The following PRKDC variants were observed in gnomAD, a reference collection of about 807,000 sequenced individuals.
PRKDC encodes the protein protein kinase, DNA-activated, catalytic subunit.
In PRKDC, 82 loss-of-function variants were observed where a neutral mutation model predicts 486.9. That is an observed-to-expected ratio of 0.17 (90% CI 0.14 to 0.20). The LOEUF is 0.20. Ranked by LOEUF, PRKDC falls within the 10% of genes least tolerant of loss-of-function variation. The pLI is 1.00. For synonymous variants in PRKDC, 1,895 were observed against 1,837.0 expected (o/e 1.03, Z -0.81); for missense variants, 4,504 against 5,038.2 (o/e 0.89, Z 3.21).
At chr8:47,929,274 C>A in intron 18 of PRKDC, 96 bp from the exon 19 acceptor site, 1 of 827,198 alleles carries the variant, frequency 1.2e-6, no homozygotes, top group South Asian at 1.5e-5. Flanking sequence ...GGGGTGAATC[C>A]ATTTCAAGTT....
chr8:47,927,482 AG>A, intron 20 of PRKDC, 129 bp from the exon 21 acceptor site: 1 of 1,112,958 alleles, frequency 9.0e-7, no homozygotes, highest in Admixed American at 2.9e-5. Context: ...ACCGCTGGAG[AG>A]TTCAGTCCAG....
chr8:47,936,214 C>A (rs1263795422), intron 12 of PRKDC, 139 bp downstream of exon 12: 1 of 967,618 alleles, frequency 1.0e-6, no homozygotes. Context: ...GACAATAATT[C>A]TATTGCCACA....
At chr8:47,951,733 G>GA (rs1165249093) in intron 7 of PRKDC, among the ~76,000 whole-genome samples, 1 of 151,882 alleles carries the variant, frequency 6.6e-6, no homozygotes, top group African/African-American at 2.4e-5. Flanking sequence ...AGGAAAGAAA[G>GA]AAAGAAAGAA....
rs2090703442 is a variant in PRKDC, at chr8:47,956,521, C to T, written c.325-573G>A. Among the ~76,000 whole-genome samples the T allele has an allele frequency of 2.7e-5, 4 of 150,736 alleles. No homozygotes were observed. In the South Asian group the frequency reaches 8.4e-4, roughly 32 times the overall value. The stretch of plus-strand genomic sequence containing the variant: ...ACCAGCCTAGGCAACAAGGCGAAAC[C>T]CTGTCTCTACAAAAAAAAAAAAAAA... On this transcript the variant is annotated intron_variant, in intron 3 of 85. Transcript: ENST00000314191.
chr8:47,959,838 G>C, intron 1 of PRKDC, 135 bp downstream of exon 1: 2 of 1,413,458 alleles, frequency 1.4e-6, no homozygotes, highest in Non-Finnish European at 9.3e-7. Flanking sequence ...CACATACACA[G>C]AAATTCCCCC....
chr8:47,823,741 A>G, intron 64 of PRKDC, 117 bp downstream of exon 64: 4 of 1,237,852 alleles, frequency 3.2e-6, no homozygotes, highest in Non-Finnish European at 4.5e-6. Flanking sequence ...CAACATTGTA[A>G]CGAAAAGACA....
rs751107248 is a variant in PRKDC, at chr8:47,830,734, T to G, written c.8268A>C (p.Glu2756Asp). 4.3e-6 allele frequency: 7 copies of G among 1,613,882 alleles called. No homozygotes were observed. The East Asian group carries it at 1.6e-4, about 36-fold the overall frequency. The change falls in exon 61 of 86, where the codon GAA (glutamate) becomes GAC (aspartate). Residue 2756 changes from glutamate to aspartate, a missense_variant and splice_region_variant. Glu to Asp is a conservative substitution (Grantham distance 45). Transcript: ENST00000314191. ...KGVAEQKREK[E>D]IKSELKMKQD... is the part of the protein sequence containing the mutation. The stretch of plus-strand genomic sequence containing the variant: ...GCTTCATTTTTAACTCACTCTTGAT[T>G]TCCTATAAGCACCAGAACCAAAGAA...
At chr8:47,812,804 C>A (rs1373983816) in intron 68 of PRKDC, among the ~76,000 whole-genome samples, 1 of 151,840 alleles carries the variant, frequency 6.6e-6, no homozygotes, top group African/African-American at 2.4e-5. Context: ...AAAAACTGAT[C>A]CTTTGAAAAA....
At chr8:47,792,690 T>C (rs1025328559) in intron 74 of PRKDC, among the ~76,000 whole-genome samples, 1 of 152,208 alleles carries the variant, frequency 6.6e-6, no homozygotes, top group African/African-American at 2.4e-5. Context: ...TGTTACACAC[T>C]GTATGCCTGT....
intron 21 of PRKDC, among the ~76,000 whole-genome samples, chr8:47,923,066 C>CA (rs1247604692): frequency 7.1e-6 from 1 of 141,060 alleles, no homozygotes; most frequent in African/African-American, 2.6e-5. Flanking sequence ...AGAAGTCATT[C>CA]TTTTTTTTTT....
chr8:47,800,663 G>A, intron 71 of PRKDC, 130 bp downstream of exon 71: 1 of 630,644 alleles, frequency 1.6e-6, no homozygotes, highest in Non-Finnish European at 2.4e-6. Context: ...AAGAAAATTG[G>A]CTGTGCATAA....
chr8:47,942,074 G>T (rs2090454460), intron 10 of PRKDC, among the ~76,000 whole-genome samples: 1 of 152,188 alleles, frequency 6.6e-6, no homozygotes, highest in Non-Finnish European at 1.5e-5. Flanking sequence ...TGCCACCAGG[G>T]ATGATCCCTC....
chr8:47,929,933 T>A lies in PRKDC; in HGVS notation c.1972A>T (p.Thr658Ser). The change falls in exon 18 of 86, where the codon ACA (threonine) becomes TCA (serine). Residue 658 changes from threonine to serine, a missense_variant. Thr to Ser is a moderately conservative substitution (Grantham distance 58). This residue lies in a region of PRKDC where 1,969 missense variants were observed against 2,068.9 expected (regional missense o/e 0.95). Coordinates refer to ENST00000314191, the MANE Select transcript of PRKDC (RefSeq NM_006904.7). ...SFSYELILQS[T>S]RLPLISGFYK... ...AAACCACTGATGAGGGGCAACCTTGTAGATTGCAAAATTAATTCATATGAA... is the reference window on the plus strand; with the variant it reads ...AAACCACTGATGAGGGGCAACCTTGAAGATTGCAAAATTAATTCATATGAA... 3.7e-6 allele frequency: 6 copies of A among 1,610,376 alleles called. No homozygotes were observed. The highest frequency in any genetic ancestry group is 4.2e-6 in the Non-Finnish European group (5 of 1,178,332).
At chr8:47,881,253 G>C (rs1047131662) in intron 38 of PRKDC, among the ~76,000 whole-genome samples, 163 bp downstream of exon 38, 9 of 152,024 alleles carry the variant, frequency 5.9e-5, no homozygotes, top group Non-Finnish European at 1.2e-4. Context: ...CACACAGGAT[G>C]GTTATCGAGA....
In PRKDC at chr8:47,881,529, A is replaced by T. The variant is rs575172711; in HGVS notation, c.4963-9T>A. 2.1e-5 allele frequency: 29 copies of T among 1,396,362 alleles called. No homozygotes were observed. In the African/African-American group the frequency reaches 4.0e-4, roughly 19 times the overall value. The allele number at this position is 1,396,362 out of a possible 1,614,324, so 86.5% of individuals were successfully genotyped here. ...GATACAGATGAATCAATCTAAAGGA[A>T]GGAAAAGAAAAACAGGACACATTTG... On this transcript the variant is annotated splice_polypyrimidine_tract_variant and intron_variant, in intron 37 of 85. Coordinates refer to ENST00000314191, the MANE Select transcript of PRKDC (RefSeq NM_006904.7).
chr8:47,803,417 C>T lies in PRKDC; in HGVS notation c.9811G>A (p.Asp3271Asn), dbSNP rs780788138. 2.7e-5 allele frequency: 44 copies of T among 1,613,870 alleles called. No homozygotes were observed. The highest frequency in any genetic ancestry group is 5.5e-5 in the South Asian group (5 of 91,086). The change falls in exon 70 of 86, where the codon GAT becomes AAT. Residue 3271 changes from aspartate to asparagine, a missense_variant. Physicochemically the swap from Asp to Asn is conservative, Grantham distance 23. Transcript: ENST00000314191. ...CTCTGCACCCAGCTCACCAGCCAAT[C>T]GTCTCTGGTTTTTGACTCTTTATGC... The part of the protein sequence containing the change: ...ELHKESKTRD[D>N]WLVSWVQSYC...
chr8:47,852,958 G>T (rs2088445091), intron 51 of PRKDC, among the ~76,000 whole-genome samples, 174 bp from the exon 52 acceptor site: 1 of 152,162 alleles, frequency 6.6e-6, no homozygotes, highest in Non-Finnish European at 1.5e-5. Flanking sequence ...GTACGTAAGG[G>T]TGCCCGATGT....
chr8:47,920,391 T>TTG (rs889166627), intron 21 of PRKDC, among the ~76,000 whole-genome samples: 1 of 152,196 alleles, frequency 6.6e-6, no homozygotes, highest in Non-Finnish European at 1.5e-5. Flanking sequence ...TGTCTATAAT[T>TTG]AACAAAGGCC....
chr8:47,871,142 C>T (rs1425024014), intron 40 of PRKDC, among the ~76,000 whole-genome samples: 4 of 152,012 alleles, frequency 2.6e-5, no homozygotes, highest in East Asian at 3.8e-4. Flanking sequence ...GAAAAGGTAG[C>T]GGGAGACAGG....
Sources: gnomAD v4.1 joint callset for allele counts (sites outside exome capture counted in the v4.1 genomes callset) on GRCh38, gnomAD v4.1.1 for gene constraint, gnomAD v4.1.1 regional missense constraint, MANE v1.5 for transcripts, NCBI Gene and HGNC (gene_info 2026-07-23, HGNC 2026-07-21) for gene names.